C5: variants seen among roughly 807,000 people sequenced by gnomAD.
C5 encodes the protein C3 and PZP-like alpha-2-macroglobulin domain-containing protein 4.
A neutral mutation model predicts 218.8 loss-of-function variants in C5; 140 were observed. The observed-to-expected ratio is 0.64, with a 90% CI of 0.56 to 0.74. The LOEUF (loss-of-function observed/expected upper bound fraction) is 0.74. C5 is among the 30% of genes least tolerant of loss of function. C5 has a pLI of 0.00. For missense variants in C5, 1,700 were observed against 1,969.6 expected, an observed-to-expected ratio of 0.86 and a Z score of 2.59; for synonymous variants, 614 against 682.3, an observed-to-expected ratio of 0.90 and a Z score of 1.56.
chr9:120,997,643 G>A lies in C5; in HGVS notation c.2694C>T (p.Phe898=), dbSNP rs1327357754. The A allele has an allele frequency of 6.2e-7, 1 of 1,614,092 alleles. No individual in the cohort carries two copies. Among genetic ancestry groups the A allele is most frequent in the South Asian group, 1.1e-5 (1 of 91,080 alleles). The change falls in exon 21 of 41, where the codon TTC becomes TTT. Residue 898 remains phenylalanine (F), a synonymous_variant. Transcript: ENST00000223642. The part of the protein sequence containing the change: ...VEGSSSHLVT[F]TVLPLEIGLH... The stretch of plus-strand genomic sequence containing the variant: ...GGCCAATTTCCAGAGGAAGCACAGT[G>A]AATGTCACCAAGTGACTGGAGGAGC...
In C5 at chr9:120,981,765, GGTC is replaced by G. The variant is rs2046995321; in HGVS notation, c.3486+76_3486+78del. On this transcript the variant is annotated intron_variant, in intron 27 of 40. Coordinates refer to ENST00000223642, the MANE Select transcript of C5 (RefSeq NM_001735.3). ...AGGAAAAGAAGCTTTTGAAACAAAA[GGTC>G]TTCTGATTGGTGGCCCCTCCAGTAT... The G allele has an allele frequency of 2.2e-5, 20 of 899,472 alleles. No individual in the cohort carries two copies. The South Asian group carries it at 2.8e-4, about 12-fold the overall frequency. The allele number at this position is 899,472 out of a possible 1,614,324, so 55.7% of individuals were successfully genotyped here.
At chr9:120,962,856 T>C (rs1486605488) in intron 35 of C5, 37 bp downstream of exon 35, 3 of 1,604,218 alleles carry the variant, frequency 1.9e-6, no homozygotes, top group African/African-American at 1.3e-5. Context: ...TTTTGAATAG[T>C]AATAGTAAAG....
At chr9:120,975,015 A>G in intron 29 of C5, 84 bp from the exon 30 acceptor site, 1 of 1,474,916 alleles carries the variant, frequency 6.8e-7, no homozygotes, top group Non-Finnish European at 9.5e-7. Context: ...ATGAGAGGGT[A>G]GGGCAGCATT....
chr9:121,003,834 A>T (rs1467632352), intron 20 of C5, among the ~76,000 whole-genome samples: 1 of 152,194 alleles, frequency 6.6e-6, no homozygotes, highest in Non-Finnish European at 1.5e-5. Flanking sequence ...ATAACTATTA[A>T]GCCAATTGAG....
chr9:121,014,079 GTAA>G lies in C5; in HGVS notation c.2060-12_2060-10del, dbSNP rs1251994143. The G allele has an allele frequency of 6.2e-7, 1 of 1,611,500 alleles. No individual in the cohort carries two copies. The highest frequency in any genetic ancestry group is 8.5e-7 in the Non-Finnish European group (1 of 1,177,712). ...ATGTTTATATTTAGCAGCTGAAATG[GTAA>G]TAATGCAAGTGCTCTTGATGACGCA... is the stretch of plus-strand genomic sequence containing the variant. On this transcript the variant is annotated splice_polypyrimidine_tract_variant and intron_variant, in intron 16 of 40. Transcript: ENST00000223642.
At chr9:120,998,059 T>C (rs2047132485) in intron 20 of C5, among the ~76,000 whole-genome samples, 1 of 152,074 alleles carries the variant, frequency 6.6e-6, no homozygotes, top group South Asian at 2.1e-4. Flanking sequence ...CACCTCAGCC[T>C]CCCAAAGTAC....
intron 9 of C5, among the ~76,000 whole-genome samples, chr9:121,024,556 G>A (rs531903607): frequency 4.7e-4 from 72 of 152,108 alleles, no homozygotes; most frequent in African/African-American, 1.7e-3. Context: ...ATGATCTGCT[G>A]TCCTCAAAGA....
In C5 at chr9:121,023,574, T is replaced by C. The variant is rs543270849; in HGVS notation, c.1001-55A>G. ...GTTTTTAGGAGTATCATGATCTGTA[T>C]GGATATCCATTTCATCTCTATATGT... On this transcript the variant is annotated intron_variant, in intron 9 of 40. Coordinates refer to ENST00000223642, the MANE Select transcript of C5 (RefSeq NM_001735.3). The C allele has an allele frequency of 2.1e-5, 20 of 947,580 alleles. No individual in the cohort carries two copies. In the African/African-American group the frequency reaches 3.1e-4, roughly 14 times the overall value. The allele number at this position is 947,580 out of a possible 1,614,324, so 58.7% of individuals were successfully genotyped here.
At position 121,016,338 on chromosome 9, in the gene C5, C is replaced by A; in HGVS notation, c.1912G>T (p.Gly638Cys). The change falls in exon 15 of 41, where the codon GGT becomes TGT. Residue 638 changes from glycine (G) to cysteine (C), a missense_variant. Coordinates refer to ENST00000223642, the MANE Select transcript of C5 (RefSeq NM_001735.3). ...AACACATTGGCATTGTTGAGGCCAC[C>A]ACCTGCCCCACAGCCCAGATCACTC... is the stretch of plus-strand genomic sequence containing the variant. ...EKSDLGCGAG[G>C]GLNNANVFHL... 2.5e-6 allele frequency: 4 copies of A among 1,614,060 alleles called. No individual in the cohort carries two copies. The highest frequency in any genetic ancestry group is 3.4e-6 in the Non-Finnish European group (4 of 1,179,946).
At chr9:120,993,843 T>C (rs1442078233) in intron 22 of C5, among the ~76,000 whole-genome samples, 6 of 152,234 alleles carry the variant, frequency 3.9e-5, no homozygotes, top group Non-Finnish European at 8.8e-5. Context: ...ATTACCTTTC[T>C]ATTCAAAAGT....
intron 16 of C5, 69 bp downstream of exon 16, chr9:121,015,130 A>T (rs750367776): frequency 1.0e-6 from 1 of 975,936 alleles, no homozygotes; most frequent in South Asian, 1.3e-5. Context: ...TTTATATAAC[A>T]TTTAATTTTG....
intron 36 of C5, 38 bp downstream of exon 36, chr9:120,962,633 G>C (rs949696280): frequency 7.8e-6 from 11 of 1,408,748 alleles, no homozygotes; most frequent in Middle Eastern, 1.8e-4. Flanking sequence ...AGAATACAAA[G>C]TATTCTTCTG....
chr9:121,018,738 AAGGAAAGG>A lies in C5; in HGVS notation c.1507-894_1507-887del, dbSNP rs1471994429. ...GAAAGAAAGAAAGAAGGAAGGAAGGAAGGAAAGGAAGGAAGGAAGGAAGGAAGGAAGGA... is the reference window on the plus strand; with the variant it reads ...GAAAGAAAGAAAGAAGGAAGGAAGGAAAGGAAGGAAGGAAGGAAGGAAGGA... On this transcript the variant is annotated intron_variant, in intron 12 of 40. Coordinates refer to ENST00000223642, the MANE Select transcript of C5 (RefSeq NM_001735.3). Among the ~76,000 whole-genome samples, 67 of 99,404 alleles carry A rather than the reference AAGGAAAGG, an allele frequency of 6.7e-4. 2 individuals carry two copies. Among genetic ancestry groups the A allele is most frequent in the Admixed American group, 2.7e-3 (28 of 10,522 alleles). 65.2% of individuals were successfully genotyped at this position (99,404 alleles called of 152,430 possible). A position where few individuals can be genotyped will look rare whatever the true frequency, so the allele number is the denominator to read the frequency against.
chr9:121,064,811 A>G, the C5 span, among the ~76,000 whole-genome samples: 1 of 152,194 alleles, frequency 6.6e-6, no homozygotes, highest in Admixed American at 6.5e-5. Context: ...CTGTAATCCC[A>G]GCTGAGGATT....
At chr9:121,013,669 A>G (rs1291865059) in intron 17 of C5, among the ~76,000 whole-genome samples, 1 of 152,200 alleles carries the variant, frequency 6.6e-6, no homozygotes, top group Non-Finnish European at 1.5e-5. Flanking sequence ...GCCAGGTCTT[A>G]ACTCTGGCCT....
intron 3 of C5, among the ~76,000 whole-genome samples, chr9:121,040,517 TA>T (rs2047568439): frequency 6.6e-6 from 1 of 152,244 alleles, no homozygotes; most frequent in African/African-American, 2.4e-5. Flanking sequence ...ACATTATAGC[TA>T]TAAATAACAA....
At chr9:120,994,742 T>G (rs912714933) in intron 22 of C5, among the ~76,000 whole-genome samples, 1 of 152,108 alleles carries the variant, frequency 6.6e-6, no homozygotes, top group East Asian at 1.9e-4. Flanking sequence ...AAAAGTCATA[T>G]GAGAAGATTG....
intron 28 of C5, among the ~76,000 whole-genome samples, chr9:120,977,141 G>A (rs1361476309): frequency 1.3e-5 from 2 of 152,124 alleles, no homozygotes; most frequent in Non-Finnish European, 2.9e-5. Flanking sequence ...CCCAAAATCT[G>A]AAAGTTTTTG....
intron 22 of C5, 117 bp from the exon 23 acceptor site, chr9:120,991,397 T>A (rs2047076414): frequency 1.5e-6 from 1 of 678,394 alleles, no homozygotes. Flanking sequence ...ATAATTAGAC[T>A]ATTAAAATTT....
Sources: gnomAD v4.1 joint callset for allele counts (sites outside exome capture counted in the v4.1 genomes callset) on GRCh38, gnomAD v4.1.1 for gene constraint, MANE v1.5 for transcripts, NCBI Gene and HGNC (gene_info 2026-07-23, HGNC 2026-07-21) for gene names.